Variants in TBC1D22A observed in about 807,000 individuals in gnomAD.
TBC1D22A encodes putative GTPase activator.
Under a neutral mutation model 60.2 loss-of-function variants are expected in TBC1D22A, and 38 were observed. That is an observed-to-expected ratio of 0.63 (90% CI 0.49 to 0.83). The LOEUF is 0.83. Ranked by LOEUF, TBC1D22A falls within the 40% of genes least tolerant of loss-of-function variation. The pLI, the probability that TBC1D22A is intolerant of heterozygous loss-of-function variation, is 0.00. For missense variants in TBC1D22A, 628 were observed against 701.0 expected (o/e 0.90, Z 1.18); for synonymous variants, 302 against 281.7 (o/e 1.07, Z -0.72).
intron 10 of TBC1D22A, among the ~76,000 whole-genome samples, chr22:47,032,918 G>A (rs2062529536): frequency 6.6e-6 from 1 of 152,224 alleles, no homozygotes; most frequent in Non-Finnish European, 1.5e-5. Context: ...TGCCGTCCCA[G>A]GCTGCCCTGT....
intron 1 of TBC1D22A, 59 bp downstream of exon 1, chr22:46,762,907 T>G (rs529252865): frequency 1.4e-6 from 2 of 1,434,024 alleles, no homozygotes; most frequent in Admixed American, 3.2e-5. Context: ...GTGGCCGCGT[T>G]GGCCTCCTGG....
At chr22:46,999,850 C>T (rs1416819695) in intron 10 of TBC1D22A, among the ~76,000 whole-genome samples, 1 of 151,990 alleles carries the variant, frequency 6.6e-6, no homozygotes, top group East Asian at 1.9e-4. Context: ...ATGGTGAAAC[C>T]CTGTCTCTAC....
At chr22:47,065,625 C>T (rs1768578692) in intron 11 of TBC1D22A, among the ~76,000 whole-genome samples, 1 of 152,280 alleles carries the variant, frequency 6.6e-6, no homozygotes, top group Non-Finnish European at 1.5e-5. Context: ...GAGGACTTAG[C>T]AGGCCTCGGA....
intron 12 of TBC1D22A, among the ~76,000 whole-genome samples, chr22:47,143,740 T>G (rs963463698): frequency 6.6e-5 from 10 of 152,226 alleles, no homozygotes; most frequent in Non-Finnish European, 1.5e-4. Flanking sequence ...TGTACCCAGC[T>G]GAGCTGTTGA....
chr22:46,828,526 T>C (rs774909931), intron 4 of TBC1D22A, among the ~76,000 whole-genome samples: 2 of 152,248 alleles, frequency 1.3e-5, no homozygotes, highest in Non-Finnish European at 2.9e-5. Flanking sequence ...CTGGGCCGCT[T>C]TGGGAGTCTC....
chr22:46,825,194 C>T (rs1423277106), intron 4 of TBC1D22A, among the ~76,000 whole-genome samples: 3 of 152,206 alleles, frequency 2.0e-5, no homozygotes, highest in African/African-American at 2.4e-5. Context: ...AACTTAAAAT[C>T]GATGACTAAA....
chr22:47,120,721 G>T (rs992682061), intron 12 of TBC1D22A, among the ~76,000 whole-genome samples: 2 of 152,242 alleles, frequency 1.3e-5, no homozygotes, highest in Non-Finnish European at 2.9e-5. Flanking sequence ...CTGAGGCTTA[G>T]CTCTGAAGGG....
intron 1 of TBC1D22A, among the ~76,000 whole-genome samples, chr22:46,782,850 A>C (rs1282192182): frequency 6.6e-6 from 1 of 152,188 alleles, no homozygotes; most frequent in African/African-American, 2.4e-5. Context: ...TGGTTAGGCC[A>C]CGTTGTATTG....
At chr22:46,907,631 G>GCCTCCACCATCCACA in intron 7 of TBC1D22A, among the ~76,000 whole-genome samples, 1 of 152,110 alleles carries the variant, frequency 6.6e-6, no homozygotes, top group Non-Finnish European at 1.5e-5. Flanking sequence ...CACCATCTGC[G>GCCTCCACCATCCACA]CCTCCACCAT....
intron 1 of TBC1D22A, among the ~76,000 whole-genome samples, chr22:46,780,533 G>C (rs1232875735): frequency 1.3e-5 from 2 of 152,136 alleles, no homozygotes; most frequent in African/African-American, 2.4e-5. Flanking sequence ...AAAACATTCT[G>C]CAGGATCTGC....
intron 9 of TBC1D22A, among the ~76,000 whole-genome samples, chr22:46,976,529 G>C (rs771716207): frequency 7.9e-5 from 12 of 152,210 alleles, no homozygotes; most frequent in Non-Finnish European, 1.3e-4. Context: ...AGAGAAGTAT[G>C]AGGCTATGTA....
At chr22:47,124,762 G>T (rs2066393866) in intron 12 of TBC1D22A, among the ~76,000 whole-genome samples, 1 of 152,082 alleles carries the variant, frequency 6.6e-6, no homozygotes, top group Non-Finnish European at 1.5e-5. Flanking sequence ...AGCAGTGAGG[G>T]GCCCGCGGGG....
At chr22:47,026,521 C>T (rs1325204229) in intron 10 of TBC1D22A, among the ~76,000 whole-genome samples, 3 of 151,994 alleles carry the variant, frequency 2.0e-5, no homozygotes, top group Admixed American at 2.0e-4. Flanking sequence ...ATGGCATTTA[C>T]AAAAAAGCTA....
At chr22:46,779,377 ATTTC>A (rs2083840784) in intron 1 of TBC1D22A, among the ~76,000 whole-genome samples, 1 of 151,902 alleles carries the variant, frequency 6.6e-6, no homozygotes, top group Admixed American at 6.6e-5. Context: ...GTGTTGGACA[ATTTC>A]TTTCTTTCTT....
At chr22:46,798,352 T>C (rs756097690) in intron 4 of TBC1D22A, among the ~76,000 whole-genome samples, 2 of 152,158 alleles carry the variant, frequency 1.3e-5, no homozygotes, top group Non-Finnish European at 1.5e-5. Flanking sequence ...TTTCCTACCA[T>C]GGGGCTTGCA....
chr22:47,140,781 C>T (rs1028920170), intron 12 of TBC1D22A, among the ~76,000 whole-genome samples: 1 of 152,164 alleles, frequency 6.6e-6, no homozygotes, highest in Non-Finnish European at 1.5e-5. Context: ...CTGGCTTCTG[C>T]AGCCTGTGAG....
chr22:46,920,153 C>A (rs1350327291), intron 8 of TBC1D22A, among the ~76,000 whole-genome samples: 1 of 152,142 alleles, frequency 6.6e-6, no homozygotes, highest in Non-Finnish European at 1.5e-5. Flanking sequence ...TATCATAGTT[C>A]ATGGCAGCTG....
chr22:47,128,892 A>T (rs2066588701), intron 12 of TBC1D22A, among the ~76,000 whole-genome samples: 1 of 152,244 alleles, frequency 6.6e-6, no homozygotes, highest in Non-Finnish European at 1.5e-5. Context: ...AATATGCATG[A>T]GGCAGGCAAA....
chr22:47,155,563 G>A (rs1476645555), intron 12 of TBC1D22A, among the ~76,000 whole-genome samples: 2 of 152,208 alleles, frequency 1.3e-5, no homozygotes, highest in Non-Finnish European at 2.9e-5. Flanking sequence ...CAGTGACCAT[G>A]TTGGGCAGAT....
Sources: gnomAD v4.1 joint callset for allele counts (sites outside exome capture counted in the v4.1 genomes callset) on GRCh38, gnomAD v4.1.1 for gene constraint, MANE v1.5 for transcripts, NCBI Gene and HGNC (gene_info 2026-07-23, HGNC 2026-07-21) for gene names.